The following JCAD variants were observed in gnomAD, a reference collection of about 807,000 sequenced individuals.
JCAD encodes junctional cadherin 5-associated protein.
JCAD carries 40 observed loss-of-function variants against 98.0 expected under a neutral mutation model. That is an observed-to-expected ratio of 0.41 (90% CI 0.32 to 0.53). JCAD has a LOEUF of 0.53. Among genes scored for constraint, JCAD ranks in the 20% least tolerant of loss-of-function variants. The pLI, the probability that JCAD is intolerant of heterozygous loss-of-function variation, is 0.31. For synonymous variants in JCAD, 691 were observed against 682.3 expected (o/e 1.01, Z -0.20); for missense variants, 1,705 against 1,738.1 (o/e 0.98, Z 0.34).
chr10:30,082,792 G>A (rs541339454), intron 1 of JCAD, among the ~76,000 whole-genome samples: 93 of 150,140 alleles, frequency 6.2e-4, no homozygotes, highest in African/African-American at 2.1e-3. Flanking sequence ...TGGAGGTTGC[G>A]GTGAGCCAAG....
chr10:30,086,221 A>C (rs1158769284), intron 1 of JCAD, among the ~76,000 whole-genome samples: 2 of 152,224 alleles, frequency 1.3e-5, no homozygotes, highest in Non-Finnish European at 2.9e-5. Flanking sequence ...AAAAATCTAG[A>C]AGCAAAGTCT....
chr10:30,083,559 T>A (rs1465619766), intron 1 of JCAD, among the ~76,000 whole-genome samples: 1 of 152,232 alleles, frequency 6.6e-6, no homozygotes, highest in Non-Finnish European at 1.5e-5. Flanking sequence ...GAGTTCTTTG[T>A]ATACCACAGA....
At chr10:30,112,149 G>A (rs1260100555) in intron 1 of JCAD, among the ~76,000 whole-genome samples, 1 of 152,242 alleles carries the variant, frequency 6.6e-6, no homozygotes, top group Admixed American at 6.5e-5. Flanking sequence ...ATGGAGGACC[G>A]ATGCAGGCTA....
intron 1 of JCAD, among the ~76,000 whole-genome samples, chr10:30,099,679 A>G (rs1282382931): frequency 2.0e-5 from 3 of 152,198 alleles, no homozygotes; most frequent in Non-Finnish European, 4.4e-5. Flanking sequence ...AATGCCATAT[A>G]CAATGAAAAA....
rs11007860 is a variant in JCAD, at chr10:30,021,975, G to A, written c.4046-4058C>T. ...TTTCCCTCATTTTGGGCCTCACACAGATATCTCTTCTCATTCTTCCCCTGG... is the reference window on the plus strand; with the variant it reads ...TTTCCCTCATTTTGGGCCTCACACAAATATCTCTTCTCATTCTTCCCCTGG... On this transcript the variant is annotated intron_variant, in intron 3 of 3. Transcript: ENST00000375377. Among the ~76,000 whole-genome samples, 351 of 152,266 alleles carry A rather than the reference G, an allele frequency of 2.3e-3. 7 individuals are homozygous for A. The East Asian group carries it at 0.046, about 20-fold the overall frequency.
chr10:30,049,407 T>A (rs901773049), intron 1 of JCAD, among the ~76,000 whole-genome samples: 13 of 152,200 alleles, frequency 8.5e-5, no homozygotes, highest in Non-Finnish European at 4.4e-5. Context: ...GAGCTCTTAC[T>A]CGGGTCTGTC....
Position 30,026,864 on chromosome 10 carries a change from G to A in JCAD, c.3284C>T (p.Ala1095Val), listed in dbSNP as rs12240677. ...GATGCCCGGCAGGAGGGACTCCACC[G>A]CCACCTCAATGCCCAGGATCCTTGC... Reference protein sequence around the residue: ...RAARILGIEVAVESLLPGIRR... With the variant: ...RAARILGIEVVVESLLPGIRR... Residue 1095 changes from alanine to valine, a missense_variant, in exon 3 of 4, where the codon GCG (alanine) becomes GTG (valine). Coordinates refer to ENST00000375377, the MANE Select transcript of JCAD (RefSeq NM_020848.4). 3.7e-6 allele frequency: 6 copies of A among 1,613,892 alleles called. No individual in the cohort carries two copies. Among genetic ancestry groups the A allele is most frequent in the South Asian group, 1.1e-5 (1 of 91,072 alleles).
At chr10:30,036,578 C>T (rs1321079380) in intron 2 of JCAD, among the ~76,000 whole-genome samples, 1 of 152,234 alleles carries the variant, frequency 6.6e-6, no homozygotes, top group Non-Finnish European at 1.5e-5. Context: ...CAGGCAGCTG[C>T]AGCCTGGCAC....
chr10:30,037,404 G>T (rs1176315968), intron 2 of JCAD, among the ~76,000 whole-genome samples: 1 of 152,186 alleles, frequency 6.6e-6, no homozygotes, highest in Non-Finnish European at 1.5e-5. Flanking sequence ...AGAGAAAACT[G>T]CTCTGAAAAC....
Position 30,085,766 on chromosome 10 carries a change from C to A in JCAD, n.129-15945G>T, listed in dbSNP as rs550580918. Among the ~76,000 whole-genome samples, 8 of 152,322 alleles carry A rather than the reference C, an allele frequency of 5.3e-5. No homozygotes were observed. In the East Asian group the frequency reaches 1.5e-3, roughly 29 times the overall value. On this transcript the variant is annotated intron_variant and non_coding_transcript_variant, in intron 1 of 2. Coordinates refer to the JCAD transcript ENST00000465712. Reference sequence around the variant, plus strand: ...TCCTGATTTCTAGCATCCGTCATGACTTAGTTACCTATTCTATTTAATAGT... The same window carrying A: ...TCCTGATTTCTAGCATCCGTCATGAATTAGTTACCTATTCTATTTAATAGT...
intron 1 of JCAD, among the ~76,000 whole-genome samples, chr10:30,089,684 C>T (rs1195977864): frequency 6.6e-6 from 1 of 152,140 alleles, no homozygotes; most frequent in Non-Finnish European, 1.5e-5. Flanking sequence ...ACCATTCTTG[C>T]AGCCAGTGAC....
chr10:30,059,482 C>G lies in JCAD; in HGVS notation c.-60G>C, dbSNP rs1837657990. On this transcript the variant is annotated splice_region_variant and 5_prime_UTR_variant, in exon 1 of 4. Coordinates refer to ENST00000375377, the MANE Select transcript of JCAD (RefSeq NM_020848.4). This position sits in a 1 kb window ranked among gnomAD's most constrained non-coding sequence, Gnocchi z 5.0. The stretch of plus-strand genomic sequence containing the variant: ...AGGAGGGTTAGACGCCGGGACTTAC[C>G]GAGCGGCTCCCTCATGCCGCCTCGC... The G allele has an allele frequency of 6.6e-6, 1 of 151,552 alleles. No homozygotes were observed. 9.4% of individuals were successfully genotyped at this position (151,552 alleles called of 1,614,324 possible).
chr10:30,077,165 G>A (rs924578931), intron 1 of JCAD, among the ~76,000 whole-genome samples: 4 of 152,180 alleles, frequency 2.6e-5, no homozygotes, highest in Non-Finnish European at 5.9e-5. Flanking sequence ...TGGGCACAAG[G>A]TAATATATTT....
intron 1 of JCAD, among the ~76,000 whole-genome samples, chr10:30,110,159 C>T (rs1588661611): frequency 6.8e-6 from 1 of 146,006 alleles, no homozygotes. Flanking sequence ...CTGATGTGTG[C>T]AGCTGATGTA....
chr10:30,045,014 A>C (rs903640353), intron 2 of JCAD, among the ~76,000 whole-genome samples: 3 of 152,172 alleles, frequency 2.0e-5, no homozygotes, highest in African/African-American at 7.2e-5. Context: ...CATGGACAAG[A>C]GGCCAGATCT....
rs773389573 is a variant in JCAD, at chr10:30,105,637, T to G, written n.128+9730A>C. ...CAAACCCAACCCTTTCTGCCTATTT[T>G]CTAGTCCAAATCCTCAGTTTTTGTT... On this transcript the variant is annotated intron_variant and non_coding_transcript_variant, in intron 1 of 2. Transcript: ENST00000465712. Among the ~76,000 whole-genome samples the G allele has an allele frequency of 1.0e-3, 159 of 152,136 alleles. 2 individuals are homozygous for G. The highest frequency in any genetic ancestry group is 2.8e-4 in the Non-Finnish European group (19 of 68,012).
intron 1 of JCAD, among the ~76,000 whole-genome samples, chr10:30,070,747 A>C (rs1183106165): frequency 6.6e-6 from 1 of 152,218 alleles, no homozygotes; most frequent in Non-Finnish European, 1.5e-5. Context: ...TCAGAAACAA[A>C]ACCAATACCT....
At chr10:30,019,613 G>A (rs1424840941) in intron 3 of JCAD, among the ~76,000 whole-genome samples, 1 of 151,590 alleles carries the variant, frequency 6.6e-6, no homozygotes, top group Non-Finnish European at 1.5e-5. Flanking sequence ...GCCAGGGGCT[G>A]GGGTGAAGGA....
At chr10:30,084,013 G>GA (rs375028104) in intron 1 of JCAD, among the ~76,000 whole-genome samples, 382 of 145,710 alleles carry the variant, frequency 2.6e-3, no homozygotes, top group African/African-American at 9.4e-3. Flanking sequence ...CAGAGTGAAT[G>GA]AAAAAAAGAA....
Sources: gnomAD v4.1 joint callset for allele counts (sites outside exome capture counted in the v4.1 genomes callset) on GRCh38, gnomAD v4.1.1 for gene constraint, Gnocchi (gnomAD v3.1) non-coding constraint, MANE v1.5 for transcripts, NCBI Gene and HGNC (gene_info 2026-07-23, HGNC 2026-07-21) for gene names.